WBP4: variants seen among roughly 807,000 people sequenced by gnomAD.
WBP4 encodes WW domain-binding protein 4.
A neutral mutation model predicts 55.4 loss-of-function variants in WBP4; 37 were observed. That is an observed-to-expected ratio of 0.67 (90% CI 0.51 to 0.88). The LOEUF (loss-of-function observed/expected upper bound fraction) is 0.88. WBP4 is among the 40% of genes least tolerant of loss of function. The pLI is 0.00. For missense variants in WBP4, 398 were observed against 420.8 expected (o/e 0.95, Z 0.47); for synonymous variants, 142 against 140.2 (o/e 1.01, Z -0.09).
At chr13:41,067,125 C>T (rs1194764669) in intron 4 of WBP4, among the ~76,000 whole-genome samples, 4 of 152,076 alleles carry the variant, frequency 2.6e-5, no homozygotes, top group East Asian at 3.9e-4. Context: ...CCAGTCCCAG[C>T]GATTTTTTGG....
chr13:41,082,661 T>C, intron 9 of WBP4, 43 bp from the exon 10 acceptor site: 1 of 1,595,826 alleles, frequency 6.3e-7, no homozygotes, highest in Non-Finnish European at 8.6e-7. Context: ...AAAACGTTTG[T>C]CTTACCCTGT....
intron 2 of WBP4, among the ~76,000 whole-genome samples, chr13:41,063,064 A>G (rs1308812695): frequency 2.0e-5 from 3 of 152,194 alleles, no homozygotes; most frequent in Non-Finnish European, 4.4e-5. Context: ...TAAAAGCAAC[A>G]TGTTTAGTTT....
In WBP4 at chr13:41,061,564, G is replaced by C; in HGVS notation, c.-110G>C. On this transcript the variant is annotated 5_prime_UTR_variant, in exon 1 of 10. Transcript: ENST00000379487. ...GGGACTGAGTAAGGTGTCTGGATCG[G>C]AGGGAGGTTCGGGTGGGCATCGGGC... is the stretch of plus-strand genomic sequence containing the variant. The C allele has an allele frequency of 6.5e-7, 1 of 1,549,550 alleles. No individual in the cohort carries two copies. The highest frequency in any genetic ancestry group is 1.1e-5 in the South Asian group (1 of 88,936).
At chr13:41,062,825 A>G in intron 2 of WBP4, 109 bp downstream of exon 2, 3 of 872,936 alleles carry the variant, frequency 3.4e-6, no homozygotes, top group Non-Finnish European at 5.0e-6. Flanking sequence ...TTGCTCTTGC[A>G]TTTTCAAAAC....
chr13:41,072,979 A>T, intron 7 of WBP4, 122 bp downstream of exon 7: 1 of 684,148 alleles, frequency 1.5e-6, no homozygotes, highest in Non-Finnish European at 2.4e-6. Flanking sequence ...TGTGTAGTAA[A>T]CATGAATTAT....
Position 41,083,124 on chromosome 13 carries a change from T to C in WBP4, c.*210T>C, listed in dbSNP as rs1316217052. On this transcript the variant is annotated 3_prime_UTR_variant, in exon 10 of 10. Coordinates refer to ENST00000379487, the MANE Select transcript of WBP4 (RefSeq NM_007187.5). ...TACCACATTGCATTGTAATACAGTG[T>C]ATTATGTTCAGTGTCTAAAAACTGC... The C allele has an allele frequency of 4.2e-6, 2 of 474,622 alleles. No individual in the cohort carries two copies. Among genetic ancestry groups the C allele is most frequent in the South Asian group, 3.1e-5 (1 of 32,380 alleles). 29.4% of individuals were successfully genotyped at this position (474,622 alleles called of 1,614,324 possible). A position where few individuals can be genotyped will look rare whatever the true frequency, so the allele number is the denominator to read the frequency against.
At chr13:41,066,297 T>G (rs1215180647) in intron 4 of WBP4, among the ~76,000 whole-genome samples, 1 of 152,232 alleles carries the variant, frequency 6.6e-6, no homozygotes, top group African/African-American at 2.4e-5. Context: ...TATTAAATAT[T>G]ACCATAGCCT....
rs1198241087 is a variant in WBP4, at chr13:41,082,998, T to G, written c.*84T>G. 1.1e-5 allele frequency: 13 copies of G among 1,221,736 alleles called. No individual in the cohort carries two copies. Among genetic ancestry groups the G allele is most frequent in the Non-Finnish European group, 1.4e-5 (12 of 872,078 alleles). The allele number at this position is 1,221,736 out of a possible 1,614,324, so 75.7% of individuals were successfully genotyped here. A position where few individuals can be genotyped will look rare whatever the true frequency, so the allele number is the denominator to read the frequency against. On this transcript the variant is annotated 3_prime_UTR_variant, in exon 10 of 10. Coordinates refer to ENST00000379487, the MANE Select transcript of WBP4 (RefSeq NM_007187.5). The stretch of plus-strand genomic sequence containing the variant: ...GTTTATCTGTGTTTGTTTGTAAGTA[T>G]TATGATGCTAAAAATTTAGATTTAT...
At position 41,072,953 on chromosome 13, in the gene WBP4, A is replaced by G. The variant is rs1455594335; in HGVS notation, c.562+96A>G. 7 of 928,074 alleles carry G rather than the reference A, an allele frequency of 7.5e-6. No homozygotes were observed. In the South Asian group the frequency reaches 8.3e-5, roughly 11 times the overall value. The allele number at this position is 928,074 out of a possible 1,614,324, so 57.5% of individuals were successfully genotyped here. ...ATCATCTGAACTTGGAAATTTTAGT[A>G]TACAATAAACATATTTGTGTAGTAA... On this transcript the variant is annotated intron_variant, in intron 7 of 9. Transcript: ENST00000379487.
intron 7 of WBP4, among the ~76,000 whole-genome samples, chr13:41,074,629 C>T (rs1458272571): frequency 6.6e-6 from 1 of 152,170 alleles, no homozygotes; most frequent in Non-Finnish European, 1.5e-5. Context: ...AACATGCATG[C>T]TCTGTAAGGT....
At chr13:41,062,569 A>G in intron 1 of WBP4, 75 bp from the exon 2 acceptor site, 3 of 1,392,790 alleles carry the variant, frequency 2.2e-6, no homozygotes, top group African/African-American at 1.4e-5. Context: ...TCAAACTTTA[A>G]AAACTGTAAA....
rs760085543 is a variant in WBP4 at position 41,076,225 on chromosome 13, A to G, written c.744A>G (p.Lys248=). ...TCTCTACAGAGACAGAAAAGCCAAA[A>G]ATAAAGTTTAAGGTAGGTTTTTAAA... is the stretch of plus-strand genomic sequence containing the variant. The part of the protein sequence containing the change: ...GGVSTETEKP[K]IKFKEKNKNS... The change falls in exon 8 of 10, where the codon AAA becomes AAG. Residue 248 remains lysine, a synonymous_variant. Transcript: ENST00000379487. The G allele has an allele frequency of 2.5e-6, 4 of 1,582,972 alleles. No homozygotes were observed. In the Admixed American group the frequency reaches 8.2e-5, roughly 32 times the overall value.
Position 41,083,026 on chromosome 13 carries a change from TA to T in WBP4, c.*115del, listed in dbSNP as rs749928460. 3.0e-4 allele frequency: 298 copies of T among 1,008,586 alleles called. 3 individuals are homozygous for T. In the Middle Eastern group the frequency reaches 4.3e-3, roughly 15 times the overall value. The allele number at this position is 1,008,586 out of a possible 1,614,324, so 62.5% of individuals were successfully genotyped here. The stretch of plus-strand genomic sequence containing the variant: ...TGATGCTAAAAATTTAGATTTATTC[TA>T]AATGTATTTGATGTGAATTAAAATA... On this transcript the variant is annotated 3_prime_UTR_variant, in exon 10 of 10. Transcript: ENST00000379487.
intron 4 of WBP4, 140 bp from the exon 5 acceptor site, chr13:41,068,421 G>T: frequency 8.1e-6 from 6 of 736,946 alleles, no homozygotes; most frequent in Non-Finnish European, 9.6e-6. Context: ...TTATTTTTCC[G>T]AATGAACTTT....
chr13:41,075,246 G>T (rs1878428322), intron 7 of WBP4, among the ~76,000 whole-genome samples: 1 of 152,112 alleles, frequency 6.6e-6, no homozygotes, highest in Admixed American at 6.5e-5. Context: ...ATGAACCACT[G>T]GATGGCAGTA....
At chr13:41,073,228 CT>C (rs1035006967) in intron 7 of WBP4, among the ~76,000 whole-genome samples, 95 of 152,260 alleles carry the variant, frequency 6.2e-4, no homozygotes, top group African/African-American at 2.2e-3. Context: ...AAAAATAAAA[CT>C]GTGGCCGGGC....
intron 5 of WBP4, among the ~76,000 whole-genome samples, chr13:41,068,949 G>A (rs1878108318): frequency 6.6e-6 from 1 of 152,166 alleles, no homozygotes; most frequent in African/African-American, 2.4e-5. Context: ...CAAAGCCTTT[G>A]ATAATGACTT....
chr13:41,082,373 C>G (rs1878820997), intron 9 of WBP4, among the ~76,000 whole-genome samples: 2 of 152,128 alleles, frequency 1.3e-5, no homozygotes, highest in Admixed American at 1.3e-4. Flanking sequence ...CTCGGCCTCT[C>G]AAAGTGCTGG....
rs1167239292 is a variant in WBP4, at chr13:41,076,144, A to G, written c.663A>G (p.Lys221=). The G allele has an allele frequency of 3.1e-6, 5 of 1,613,800 alleles. No individual in the cohort carries two copies. Among genetic ancestry groups the G allele is most frequent in the Non-Finnish European group, 4.2e-6 (5 of 1,179,988 alleles). The change falls in exon 8 of 10, where the codon AAA becomes AAG. Residue 221 remains lysine, a synonymous_variant. Coordinates refer to ENST00000379487, the MANE Select transcript of WBP4 (RefSeq NM_007187.5). ...ENSLGTLDES[K]SSDSHSDSDG... ...CACTTGGCACCCTAGATGAATCCAA[A>G]TCATCAGATTCGCATAGTGATTCTG...
Sources: gnomAD v4.1 joint callset for allele counts (sites outside exome capture counted in the v4.1 genomes callset) on GRCh38, gnomAD v4.1.1 for gene constraint, MANE v1.5 for transcripts, NCBI Gene and HGNC (gene_info 2026-07-23, HGNC 2026-07-21) for gene names.